The following GPLD1 variants were observed in gnomAD, a reference collection of about 807,000 sequenced individuals.
The protein encoded by GPLD1 is phosphatidylinositol-glycan-specific phospholipase D.
In GPLD1, 84 loss-of-function variants were observed where a neutral mutation model predicts 112.6. The ratio of observed to expected loss-of-function variants is 0.75; its 90% CI spans 0.63 to 0.89. The LOEUF (loss-of-function observed/expected upper bound fraction) is 0.89. Ranked by LOEUF, GPLD1 falls within the 40% of genes least tolerant of loss-of-function variation. The pLI, the probability that GPLD1 is intolerant of heterozygous loss-of-function variation, is 0.00. For synonymous variants in GPLD1, 386 were observed against 403.8 expected (o/e 0.96, Z 0.53); for missense variants, 1,044 against 1,051.5 (o/e 0.99, Z 0.10).
In GPLD1 at chr6:24,449,828, C is replaced by A; in HGVS notation, c.1407G>T (p.Val469=). 1 of 1,613,882 alleles carries A rather than the reference C, an allele frequency of 6.2e-7. No individual in the cohort carries two copies. The highest frequency in any genetic ancestry group is 8.5e-7 in the Non-Finnish European group (1 of 1,179,880). Residue 469 remains valine (V), a synonymous_variant, in exon 15 of 25, where the codon GTG becomes GTT. Coordinates refer to ENST00000230036, the MANE Select transcript of GPLD1 (RefSeq NM_001503.4). ...FNVDGVPDLA[V]GAPSVGSEQL... is the part of the protein sequence containing the mutation. Reference sequence around the variant, plus strand: ...GCTCGGAGCCCACCGAGGGAGCTCCCACGGCCAGGTCAGGCACGCCGTCCA... The same window carrying A: ...GCTCGGAGCCCACCGAGGGAGCTCCAACGGCCAGGTCAGGCACGCCGTCCA...
chr6:24,426,637 T>C lies in GPLD1; in HGVS notation c.*2395A>G, dbSNP rs553322091. ...AGCATAAAAACTGACACTATATAAATGCATCCGTCTAATGAAAAGACCCAG... is the reference window on the plus strand; with the variant it reads ...AGCATAAAAACTGACACTATATAAACGCATCCGTCTAATGAAAAGACCCAG... On this transcript the variant is annotated 3_prime_UTR_variant, in exon 25 of 25. Transcript: ENST00000230036. Among the ~76,000 whole-genome samples, 13 of 152,334 alleles carry C rather than the reference T, an allele frequency of 8.5e-5. No homozygotes were observed. The highest frequency in any genetic ancestry group is 3.1e-4 in the African/African-American group (13 of 41,576).
At chr6:24,462,869 T>G in intron 10 of GPLD1, 74 bp from the exon 11 acceptor site, 1 of 1,048,742 alleles carries the variant, frequency 9.5e-7, no homozygotes, top group Non-Finnish European at 1.5e-6. Context: ...GAATCGGTAG[T>G]GCGCTTCAAT....
chr6:24,446,750 T>C, intron 18 of GPLD1, 88 bp downstream of exon 18: 2 of 1,290,412 alleles, frequency 1.5e-6, no homozygotes, highest in Non-Finnish European at 2.1e-6. Flanking sequence ...TCCTAGCCCT[T>C]TTCCCTCAGC....
At chr6:24,431,186 T>C (rs793688) in intron 24 of GPLD1, among the ~76,000 whole-genome samples, 92,863 of 151,922 alleles carry the variant, frequency 0.61, 28,979 homozygotes, top group Middle Eastern at 0.69. Context: ...ACTTAAATTA[T>C]TGGCCACTAG....
chr6:24,477,678 T>C (rs1764066365), intron 3 of GPLD1, among the ~76,000 whole-genome samples: 1 of 152,036 alleles, frequency 6.6e-6, no homozygotes, highest in South Asian at 2.1e-4. Context: ...TGTAATGAGC[T>C]GTGATTGCAC....
intron 13 of GPLD1, 66 bp from the exon 14 acceptor site, chr6:24,454,267 TCTTTC>T (rs1763195744): frequency 8.6e-7 from 1 of 1,164,268 alleles, no homozygotes; most frequent in Non-Finnish European, 1.2e-6. Flanking sequence ...GTCGCCTGCT[TCTTTC>T]CTTTCTAGAG....
rs186349372 is a variant in GPLD1 at position 24,437,382 on chromosome 6, C to G, written c.2021-93G>C. 10 of 1,208,964 alleles carry G rather than the reference C, an allele frequency of 8.3e-6. No homozygotes were observed. In the Admixed American group the frequency reaches 1.9e-4, roughly 23 times the overall value. 74.9% of individuals were successfully genotyped at this position (1,208,964 alleles called of 1,614,324 possible). A position where few individuals can be genotyped will look rare whatever the true frequency, so the allele number is the denominator to read the frequency against. On this transcript the variant is annotated intron_variant, in intron 20 of 24. Transcript: ENST00000230036. ...CCATCCTCAAGTGACACTGATCACT[C>G]GGGATCCTACAGGACAGTCGGTTTC... is the stretch of plus-strand genomic sequence containing the variant.
chr6:24,465,209 A>AAG (rs1554132346), intron 10 of GPLD1, among the ~76,000 whole-genome samples: 9 of 107,336 alleles, frequency 8.4e-5, no homozygotes, highest in African/African-American at 3.6e-4. Context: ...AAAAAAAAAA[A>AAG]AAAAGAAAAG....
chr6:24,476,923 G>A (rs949714071), intron 3 of GPLD1, among the ~76,000 whole-genome samples: 5 of 151,788 alleles, frequency 3.3e-5, no homozygotes, highest in African/African-American at 1.2e-4. Flanking sequence ...ATGTTACGAG[G>A]GTAACTAAAA....
At chr6:24,485,126 T>G (rs7748068) in intron 2 of GPLD1, among the ~76,000 whole-genome samples, 2,279 of 152,176 alleles carry the variant, frequency 0.015, 32 homozygotes, top group South Asian at 0.038. Flanking sequence ...AGAATCTCAG[T>G]GCGTATTTCT....
chr6:24,436,355 A>G (rs1437646968), intron 22 of GPLD1, among the ~76,000 whole-genome samples: 2 of 152,214 alleles, frequency 1.3e-5, no homozygotes, highest in Non-Finnish European at 2.9e-5. Context: ...CCAGGGACCT[A>G]CATAACACCA....
Position 24,445,835 on chromosome 6 carries a change from G to A in GPLD1, c.1821-4C>T, listed in dbSNP as rs1426870569. 1 of 1,600,386 alleles carries A rather than the reference G, an allele frequency of 6.2e-7. No individual in the cohort carries two copies. Among genetic ancestry groups the A allele is most frequent in the Non-Finnish European group, 8.6e-7 (1 of 1,167,764 alleles). ...GATGTGTAACAAATGGCCCAGCCTA[G>A]AATGAAGCACACTGGGCTTAGCTGC... On this transcript the variant is annotated splice_polypyrimidine_tract_variant and splice_region_variant and intron_variant, in intron 18 of 24. Transcript: ENST00000230036.
Position 24,442,422 on chromosome 6 carries a change from A to ATTTT in GPLD1, c.2020+3120_2020+3123dup, listed in dbSNP as rs71002496. ...AGGTGCATGCCACCACATCTGGCTAATTTTTTTTTTTTTTTTTTTTTTTTT... is the reference window on the plus strand; with the variant it reads ...AGGTGCATGCCACCACATCTGGCTAATTTTTTTTTTTTTTTTTTTTTTTTTTTTT... On this transcript the variant is annotated intron_variant, in intron 20 of 24. Coordinates refer to ENST00000230036, the MANE Select transcript of GPLD1 (RefSeq NM_001503.4). Among the ~76,000 whole-genome samples, 98 of 60,634 alleles carry ATTTT rather than the reference A, an allele frequency of 1.6e-3. 4 individuals carry two copies. The highest frequency in any genetic ancestry group is 2.4e-3 in the Non-Finnish European group (84 of 34,522). 39.8% of individuals were successfully genotyped at this position (60,634 alleles called of 152,430 possible).
At chr6:24,451,566 G>A (rs1763088399) in intron 14 of GPLD1, among the ~76,000 whole-genome samples, 1 of 151,998 alleles carries the variant, frequency 6.6e-6, no homozygotes, top group South Asian at 2.1e-4. Context: ...TTGATCTCTT[G>A]ACCTCAGGAT....
At chr6:24,473,434 A>T in intron 6 of GPLD1, 185 bp downstream of exon 6, 1 of 428,476 alleles carries the variant, frequency 2.3e-6, no homozygotes, top group Admixed American at 3.9e-5. Flanking sequence ...TATAGACACA[A>T]GTTTTTAGAA....
chr6:24,445,216 C>T (rs369253389), intron 20 of GPLD1, among the ~76,000 whole-genome samples: 1 of 151,872 alleles, frequency 6.6e-6, no homozygotes, highest in African/African-American at 2.4e-5. Context: ...TTAGTAGAGG[C>T]AAAGTTTCAC....
At chr6:24,462,893 C>A in intron 10 of GPLD1, 98 bp from the exon 11 acceptor site, 1 of 895,168 alleles carries the variant, frequency 1.1e-6, no homozygotes. Flanking sequence ...CTCCCAAAGG[C>A]TTAAAGTGTT....
Position 24,479,742 on chromosome 6 carries a change from T to C in GPLD1, c.232+139A>G, listed in dbSNP as rs1764138864. 1.3e-5 allele frequency: 7 copies of C among 529,588 alleles called. No homozygotes were observed. In the South Asian group the frequency reaches 2.0e-4, roughly 15 times the overall value. The allele number at this position is 529,588 out of a possible 1,614,324, so 32.8% of individuals were successfully genotyped here. ...ACCAACAATATTGTTGGGAAACAAATTGTTCTCAACAATAATGGAAAATAT... is the reference window on the plus strand; with the variant it reads ...ACCAACAATATTGTTGGGAAACAAACTGTTCTCAACAATAATGGAAAATAT... On this transcript the variant is annotated intron_variant, in intron 3 of 24. Transcript: ENST00000230036.
intron 19 of GPLD1, 34 bp downstream of exon 19, chr6:24,445,692 G>A (rs952182861): frequency 1.3e-6 from 2 of 1,597,614 alleles, no homozygotes; most frequent in Non-Finnish European, 1.7e-6. Flanking sequence ...TCCTTGGAGT[G>A]TCCACTCTCC....
Sources: gnomAD v4.1 joint callset for allele counts (sites outside exome capture counted in the v4.1 genomes callset) on GRCh38, gnomAD v4.1.1 for gene constraint, MANE v1.5 for transcripts, NCBI Gene and HGNC (gene_info 2026-07-23, HGNC 2026-07-21) for gene names.